The following NDST3 variants were observed in gnomAD, a reference collection of about 807,000 sequenced individuals.
NDST3 encodes the protein bifunctional heparan sulfate N-deacetylase/N-sulfotransferase 3.
A neutral mutation model predicts 96.1 loss-of-function variants in NDST3; 58 were observed. The observed-to-expected ratio is 0.60, with a 90% CI of 0.49 to 0.75. The LOEUF (loss-of-function observed/expected upper bound fraction) is 0.75. Ranked by LOEUF, NDST3 falls within the 30% of genes least tolerant of loss-of-function variation. The pLI is 0.00. For missense variants in NDST3, 788 were observed against 1,034.2 expected (o/e 0.76, Z 3.27); for synonymous variants, 333 against 359.7 (o/e 0.93, Z 0.84).
At chr4:118,084,269 AT>A (rs548638519) in intron 2 of NDST3, among the ~76,000 whole-genome samples, 263 of 152,222 alleles carry the variant, frequency 1.7e-3, no homozygotes, top group Middle Eastern at 0.01. Flanking sequence ...TGGATATGTT[AT>A]TTGCTTCACT....
At chr4:118,167,741 C>G (rs1306807511) in intron 6 of NDST3, among the ~76,000 whole-genome samples, 1 of 151,782 alleles carries the variant, frequency 6.6e-6, no homozygotes, top group Non-Finnish European at 1.5e-5. Flanking sequence ...GAATACAGAG[C>G]CCAGAAATAA....
intron 6 of NDST3, among the ~76,000 whole-genome samples, chr4:118,185,273 A>G (rs1264213759): frequency 6.6e-6 from 1 of 152,022 alleles, no homozygotes; most frequent in African/African-American, 2.4e-5. Flanking sequence ...TATACAAACT[A>G]AACACATTTT....
At chr4:118,134,856 T>C (rs1396019997) in intron 4 of NDST3, among the ~76,000 whole-genome samples, 1 of 152,220 alleles carries the variant, frequency 6.6e-6, no homozygotes, top group Admixed American at 6.5e-5. Flanking sequence ...TCAGAGTTCC[T>C]AGATCTAAGA....
intron 6 of NDST3, among the ~76,000 whole-genome samples, chr4:118,169,968 G>T (rs966959570): frequency 2.0e-5 from 3 of 152,044 alleles, no homozygotes; most frequent in African/African-American, 7.2e-5. Context: ...TCTTTACCGG[G>T]GGGCTTATCT....
At chr4:118,055,062 T>C (rs780344952) in intron 2 of NDST3, 171 bp downstream of exon 2, 1 of 785,536 alleles carries the variant, frequency 1.3e-6, no homozygotes, top group Non-Finnish European at 2.1e-6. Flanking sequence ...TATGTATTTC[T>C]ATCTGAATCA....
intron 6 of NDST3, among the ~76,000 whole-genome samples, chr4:118,180,816 A>G (rs979723134): frequency 6.6e-6 from 1 of 152,134 alleles, no homozygotes; most frequent in Non-Finnish European, 1.5e-5. Context: ...GAACACTCTA[A>G]TATCTCCTAA....
In NDST3 at chr4:118,054,070, G is replaced by A. The variant is rs1469072531; in HGVS notation, c.160G>A (p.Asp54Asn). The A allele has an allele frequency of 6.2e-6, 10 of 1,612,740 alleles. No homozygotes were observed. Among genetic ancestry groups the A allele is most frequent in the Admixed American group, 1.7e-5 (1 of 59,862 alleles). The change falls in exon 2 of 14, where the codon GAC becomes AAC. Residue 54 changes from aspartate (D) to asparagine (N), a missense_variant. Around this residue, in one of 3 missense-constraint regions of NDST3, gnomAD observed 234 missense variants for 256.9 expected, o/e 0.91. Coordinates refer to ENST00000296499, the MANE Select transcript of NDST3 (RefSeq NM_004784.3). ...SETASEVDCG[D>N]LQHLPYQLME... Reference sequence around the variant, plus strand: ...GACGGCTTCAGAAGTTGACTGTGGCGACCTCCAACACCTACCATATCAACT... The same window carrying A: ...GACGGCTTCAGAAGTTGACTGTGGCAACCTCCAACACCTACCATATCAACT...
At chr4:118,204,104 C>T (rs1738277393) in intron 6 of NDST3, among the ~76,000 whole-genome samples, 1 of 152,058 alleles carries the variant, frequency 6.6e-6, no homozygotes, top group Non-Finnish European at 1.5e-5. Flanking sequence ...CTCAAACAAA[C>T]TCAGAAAGCT....
rs545224587 is a variant in NDST3 at position 118,108,763 on chromosome 4, A to C, written c.1069+3658A>C. On this transcript the variant is annotated intron_variant, in intron 3 of 13. Transcript: ENST00000296499. ...ATACAACTACATATAACTTTCACCT[A>C]CCAATTTGAAAATTGTGTAGGATTT... is the stretch of plus-strand genomic sequence containing the variant. Among the ~76,000 whole-genome samples, 8 of 152,280 alleles carry C rather than the reference A, an allele frequency of 5.3e-5. 1 individual carries two copies. Among genetic ancestry groups the C allele is most frequent in the African/African-American group, 1.7e-4 (7 of 41,554 alleles).
intron 6 of NDST3, among the ~76,000 whole-genome samples, chr4:118,190,295 C>T (rs756165613): frequency 3.3e-5 from 5 of 151,520 alleles, no homozygotes; most frequent in Admixed American, 6.6e-5. Flanking sequence ...TTTTAACAGA[C>T]CTAAATATAT....
At position 118,255,646 on chromosome 4, in the gene NDST3, G is replaced by T. The variant is rs764329282; in HGVS notation, c.2556G>T (p.Lys852Asn). The change falls in exon 14 of 14, where the codon AAG (lysine) becomes AAT (asparagine). Residue 852 changes from lysine (K) to asparagine (N), a missense_variant. This residue lies in a region of NDST3 where 64 missense variants were observed against 68.5 expected (regional missense o/e 0.93). Transcript: ENST00000296499. ...GAGATCACAACGTGGAACTCTCAAA[G>T]CTGCTGCACAAACTGGGTCAGCCTC... The part of the protein sequence containing the change: ...YYRDHNVELS[K>N]LLHKLGQPLP... The T allele has an allele frequency of 6.2e-7, 1 of 1,613,898 alleles. No homozygotes were observed. The highest frequency in any genetic ancestry group is 1.7e-5 in the Admixed American group (1 of 60,018).
intron 6 of NDST3, among the ~76,000 whole-genome samples, chr4:118,186,120 C>A (rs1304787980): frequency 6.6e-6 from 1 of 152,062 alleles, no homozygotes; most frequent in Admixed American, 6.6e-5. Context: ...AGGAGAAAAA[C>A]AAAATCTGGT....
At chr4:118,179,282 T>C (rs1736454012) in intron 6 of NDST3, among the ~76,000 whole-genome samples, 1 of 152,066 alleles carries the variant, frequency 6.6e-6, no homozygotes, top group Non-Finnish European at 1.5e-5. Context: ...GAGAGACCCA[T>C]TGAAAGCGTG....
intron 4 of NDST3, among the ~76,000 whole-genome samples, chr4:118,124,607 G>T (rs982425604): frequency 2.0e-5 from 3 of 151,980 alleles, no homozygotes; most frequent in Admixed American, 2.0e-4. Context: ...CTTCATGATA[G>T]TATCCTACTC....
chr4:118,204,350 T>C (rs1738302902), intron 6 of NDST3, among the ~76,000 whole-genome samples: 1 of 145,132 alleles, frequency 6.9e-6, no homozygotes, highest in African/African-American at 2.6e-5. Context: ...CAAAGAATGA[T>C]CTGTGAATCT....
chr4:118,115,606 A>C (rs1731021416), intron 4 of NDST3, among the ~76,000 whole-genome samples: 1 of 152,164 alleles, frequency 6.6e-6, no homozygotes, highest in African/African-American at 2.4e-5. Flanking sequence ...AGCAAGGTAC[A>C]CCATGTAATA....
At chr4:118,143,222 G>T (rs1477630412) in intron 5 of NDST3, among the ~76,000 whole-genome samples, 1 of 151,962 alleles carries the variant, frequency 6.6e-6, no homozygotes, top group East Asian at 1.9e-4. Context: ...TTTTTTTAAA[G>T]TCTCATTTTT....
rs557828586 is a variant in NDST3 at position 118,038,730 on chromosome 4, T to G, written c.-156+4138T>G. Among the ~76,000 whole-genome samples the G allele has an allele frequency of 1.6e-4, 24 of 152,314 alleles. No individual in the cohort carries two copies. In the East Asian group the frequency reaches 4.4e-3, roughly 28 times the overall value. ...ATATAGTTTTATAGTTCATTCCTTTTTCAGAAAAAGGAATATTGTCAGGAT... is the reference window on the plus strand; with the variant it reads ...ATATAGTTTTATAGTTCATTCCTTTGTCAGAAAAAGGAATATTGTCAGGAT... On this transcript the variant is annotated intron_variant, in intron 1 of 13. Coordinates refer to ENST00000296499, the MANE Select transcript of NDST3 (RefSeq NM_004784.3).
At chr4:118,044,747 T>C (rs1724659338) in intron 1 of NDST3, among the ~76,000 whole-genome samples, 1 of 152,200 alleles carries the variant, frequency 6.6e-6, no homozygotes, top group South Asian at 2.1e-4. Context: ...AGCATGGTGC[T>C]GGCATCTGGT....
Sources: gnomAD v4.1 joint callset for allele counts (sites outside exome capture counted in the v4.1 genomes callset) on GRCh38, gnomAD v4.1.1 for gene constraint, gnomAD v4.1.1 regional missense constraint, MANE v1.5 for transcripts, NCBI Gene and HGNC (gene_info 2026-07-23, HGNC 2026-07-21) for gene names.